CSNK1E: variants seen among roughly 807,000 people sequenced by gnomAD.
CSNK1E encodes the protein casein kinase I isoform epsilon.
A neutral mutation model predicts 46.1 loss-of-function variants in CSNK1E; 17 were observed. That is an observed-to-expected ratio of 0.37 (90% CI 0.25 to 0.55). CSNK1E has a LOEUF of 0.55. CSNK1E is among the 20% of genes least tolerant of loss of function. The pLI is 0.82. For missense variants in CSNK1E, 386 were observed against 595.4 expected (o/e 0.65, Z 3.66); for synonymous variants, 241 against 242.6 (o/e 0.99, Z 0.06).
At chr22:38,296,115 C>A in intron 7 of CSNK1E, 1 of 973,492 alleles carries the variant, frequency 1.0e-6, no homozygotes, top group Non-Finnish European at 1.2e-6. Context: ...GTGAGCCCAG[C>A]AGGCTCAGGC....
At chr22:38,313,940 CT>C (rs1227745118) in intron 2 of CSNK1E, 141 bp downstream of exon 2, 4 of 734,290 alleles carry the variant, frequency 5.4e-6, no homozygotes, top group Non-Finnish European at 9.1e-6. Flanking sequence ...CTGCTGCTTC[CT>C]TCCCCATCTG....
chr22:38,312,142 G>A (rs1314638727), intron 2 of CSNK1E, among the ~76,000 whole-genome samples: 1 of 152,040 alleles, frequency 6.6e-6, no homozygotes, highest in African/African-American at 2.4e-5. Flanking sequence ...TGACACCCAC[G>A]CTGGAGTGTG....
intron 2 of CSNK1E, among the ~76,000 whole-genome samples, chr22:38,312,947 T>C (rs1438541147): frequency 6.6e-6 from 1 of 152,212 alleles, no homozygotes. Flanking sequence ...TAGAGCGGTC[T>C]TGGGAGGCCA....
At position 38,300,690 on chromosome 22, in the gene CSNK1E, C is replaced by G. The variant is rs760950994; in HGVS notation, c.565+34G>C. The stretch of plus-strand genomic sequence containing the variant: ...AGAGCTGGGCCCCAGCCAGTGGCCC[C>G]GGGTGCACACTGCTCCAGGCCTGGC... On this transcript the variant is annotated intron_variant, in intron 5 of 10. Coordinates refer to ENST00000396832, the MANE Select transcript of CSNK1E (RefSeq NM_152221.3). This position sits in a 1 kb window ranked among gnomAD's most constrained non-coding sequence, Gnocchi z 4.4. 3.1e-6 allele frequency: 5 copies of G among 1,599,436 alleles called. No individual in the cohort carries two copies. In the South Asian group the frequency reaches 5.5e-5, roughly 18 times the overall value.
intron 6 of CSNK1E, among the ~76,000 whole-genome samples, chr22:38,299,225 C>T (rs939439396): frequency 2.0e-5 from 3 of 152,338 alleles, no homozygotes; most frequent in Admixed American, 1.3e-4. Context: ...ACAGCTCTTC[C>T]GCTGCCCTCG....
In CSNK1E at chr22:38,294,258, G is replaced by A. The variant is rs762844419; in HGVS notation, c.1079-10C>T. 3 of 1,610,620 alleles carry A rather than the reference G, an allele frequency of 1.9e-6. No individual in the cohort carries two copies. Among genetic ancestry groups the A allele is most frequent in the East Asian group, 4.5e-5 (2 of 44,832 alleles). On this transcript the variant is annotated splice_polypyrimidine_tract_variant and intron_variant, in intron 8 of 10. Transcript: ENST00000396832. This position sits in a 1 kb window ranked among gnomAD's most constrained non-coding sequence, Gnocchi z 5.5. ...CTGGGAGAAGTATTGCCTGGAGGGA[G>A]AGTGGGAAGCCACCCTCAGAGTAGG...
In CSNK1E at chr22:38,302,946, A is replaced by G; in HGVS notation, c.251T>C (p.Leu84Pro). ...CAGGTCCTCGAGGCTAGGCCCCAGC[A>G]GCTCCATGACCATCACGTTGTAGTC... ...EGDYNVMVME[L>P]LGPSLEDLFN... Residue 84 changes from leucine (L) to proline (P), a missense_variant, in exon 4 of 11, where the codon CTG (leucine) becomes CCG (proline). Around this residue, in one of 2 missense-constraint regions of CSNK1E, gnomAD observed 212 missense variants for 410.2 expected, o/e 0.52. Coordinates refer to ENST00000396832, the MANE Select transcript of CSNK1E (RefSeq NM_152221.3). 1 of 1,614,170 alleles carries G rather than the reference A, an allele frequency of 6.2e-7. No homozygotes were observed. The highest frequency in any genetic ancestry group is 8.5e-7 in the Non-Finnish European group (1 of 1,180,024).
At chr22:38,308,381 TC>T (rs562611325) in intron 2 of CSNK1E, among the ~76,000 whole-genome samples, 101 of 151,686 alleles carry the variant, frequency 6.7e-4, no homozygotes, top group Non-Finnish European at 1.1e-3. Flanking sequence ...ATCCTTAGAG[TC>T]CCCTGGCCAT....
intron 9 of CSNK1E, among the ~76,000 whole-genome samples, chr22:38,293,681 C>T (rs1370366010): frequency 2.0e-5 from 3 of 152,110 alleles, no homozygotes; most frequent in Non-Finnish European, 4.4e-5. Context: ...ACAGATTCCC[C>T]CTTCCCAAGT....
intron 2 of CSNK1E, among the ~76,000 whole-genome samples, chr22:38,305,458 C>T (rs2092694354): frequency 2.1e-5 from 1 of 46,670 alleles, no homozygotes; most frequent in South Asian, 5.6e-4. Flanking sequence ...AAGCTCCTTC[C>T]TCTCCAAAAA....
At chr22:38,293,196 G>A in intron 10 of CSNK1E, 59 bp downstream of exon 10, 1 of 1,366,408 alleles carries the variant, frequency 7.3e-7, no homozygotes, top group Non-Finnish European at 1.0e-6. Flanking sequence ...CTCTTTCTGG[G>A]GCCCTGGGAG....
rs1355415615 is a variant in CSNK1E at position 38,302,902 on chromosome 22, T to G, written c.295A>C (p.Lys99Gln). 1 of 1,614,126 alleles carries G rather than the reference T, an allele frequency of 6.2e-7. No homozygotes were observed. The highest frequency in any genetic ancestry group is 8.5e-7 in the Non-Finnish European group (1 of 1,180,016). ...AGCAGCACCGTCTTGAGGCTGAATTTGCGGGAACAGAAGTTGAACAGGTCC... is the reference window on the plus strand; with the variant it reads ...AGCAGCACCGTCTTGAGGCTGAATTGGCGGGAACAGAAGTTGAACAGGTCC... ...LEDLFNFCSRKFSLKTVLLLA... is the reference protein window; with the variant it reads ...LEDLFNFCSRQFSLKTVLLLA... Residue 99 changes from lysine (K) to glutamine (Q), a missense_variant, in exon 4 of 11, where the codon AAA becomes CAA. By Grantham distance (53) the Lys-to-Gln change is moderately conservative. This residue lies in a region of CSNK1E where 212 missense variants were observed against 410.2 expected (regional missense o/e 0.52). Coordinates refer to ENST00000396832, the MANE Select transcript of CSNK1E (RefSeq NM_152221.3).
rs2092663931 is a variant in CSNK1E at position 38,300,243 on chromosome 22, T to C, written c.566-178A>G. ...ATCCTCCTCCTACAGAGAAGAAGCC[T>C]GAGGCAGGGCCTTCTCAACTTAATT... is the stretch of plus-strand genomic sequence containing the variant. On this transcript the variant is annotated intron_variant, in intron 5 of 10. Coordinates refer to ENST00000396832, the MANE Select transcript of CSNK1E (RefSeq NM_152221.3). The surrounding 1 kb of genome is among the most constrained non-coding windows in gnomAD (Gnocchi z 4.4). Among the ~76,000 whole-genome samples the C allele has an allele frequency of 6.6e-6, 1 of 152,216 alleles. No homozygotes were observed. Among genetic ancestry groups the C allele is most frequent in the Admixed American group, 6.5e-5 (1 of 15,286 alleles).
In CSNK1E at chr22:38,300,975, G is replaced by A. The variant is rs747022662; in HGVS notation, c.337-23C>T. ...GATCTGGGGAGGAGGGGGGCCATTT[G>A]TTCAACAGAGGGGCCCTTGCCTAGC... On this transcript the variant is annotated intron_variant, in intron 4 of 10. Transcript: ENST00000396832. The surrounding 1 kb of genome is among the most constrained non-coding windows in gnomAD (Gnocchi z 4.4). 1 of 1,602,006 alleles carries A rather than the reference G, an allele frequency of 6.2e-7. No individual in the cohort carries two copies. The highest frequency in any genetic ancestry group is 1.7e-4 in the Middle Eastern group (1 of 6,044).
At position 38,300,120 on chromosome 22, in the gene CSNK1E, C is replaced by T; in HGVS notation, c.566-55G>A. 8.3e-6 allele frequency: 13 copies of T among 1,558,582 alleles called. No individual in the cohort carries two copies. The South Asian group carries it at 1.2e-4, about 15-fold the overall frequency. On this transcript the variant is annotated intron_variant, in intron 5 of 10. Coordinates refer to ENST00000396832, the MANE Select transcript of CSNK1E (RefSeq NM_152221.3). The surrounding 1 kb of genome is among the most constrained non-coding windows in gnomAD (Gnocchi z 4.4). ...GACAGGGGTCCACTCAGGCCCCTAA[C>T]TCATCCTCTGGGTCATGCTCCTCAC... is the stretch of plus-strand genomic sequence containing the variant.
At chr22:38,314,253 C>T in intron 1 of CSNK1E, 84 bp from the exon 2 acceptor site, 2 of 1,066,810 alleles carry the variant, frequency 1.9e-6, no homozygotes, top group Non-Finnish European at 2.8e-6. Flanking sequence ...GCAGAGCCAC[C>T]AGGAACTCGA....
chr22:38,306,475 G>C (rs973627821), intron 2 of CSNK1E, among the ~76,000 whole-genome samples: 1 of 152,228 alleles, frequency 6.6e-6, no homozygotes, highest in African/African-American at 2.4e-5. Context: ...GCTCACGCCT[G>C]TAATCCCAGC....
intron 1 of CSNK1E, among the ~76,000 whole-genome samples, chr22:38,316,413 G>A (rs548744547): frequency 3.3e-5 from 5 of 152,302 alleles, no homozygotes; most frequent in East Asian, 1.9e-4. Flanking sequence ...GCTATGCCAG[G>A]AAGAAAATAT....
intron 2 of CSNK1E, among the ~76,000 whole-genome samples, chr22:38,305,950 G>A (rs1048468278): frequency 6.6e-6 from 1 of 152,172 alleles, no homozygotes; most frequent in Non-Finnish European, 1.5e-5. Context: ...CGGGGACAAG[G>A]CTGTCGGCTG....
Sources: gnomAD v4.1 joint callset for allele counts (sites outside exome capture counted in the v4.1 genomes callset) on GRCh38, gnomAD v4.1.1 for gene constraint, gnomAD v4.1.1 regional missense constraint, Gnocchi (gnomAD v3.1) non-coding constraint, MANE v1.5 for transcripts, NCBI Gene and HGNC (gene_info 2026-07-23, HGNC 2026-07-21) for gene names.